The following SH2D4B variants were observed in gnomAD, a reference collection of about 807,000 sequenced individuals.
SH2D4B encodes SH2 domain-containing protein 4B.
In SH2D4B, 45 loss-of-function variants were observed where a neutral mutation model predicts 61.5. The observed-to-expected ratio is 0.73, with a 90% confidence interval of 0.58 to 0.94. The LOEUF (loss-of-function observed/expected upper bound fraction) is 0.94, where lower values mean the gene tolerates loss of function less well. Among genes scored for constraint, SH2D4B ranks in the 40% least tolerant of loss-of-function variants. The pLI, the probability that SH2D4B is intolerant of heterozygous loss-of-function variation, is 0.00. For synonymous variants in SH2D4B, 224 were observed against 220.4 expected (o/e 1.02, Z -0.14); for missense variants, 572 against 574.2 (o/e 1.00, Z 0.04).
chr10:80,631,420 T>A (rs1053561066), intron 6 of SH2D4B, among the ~76,000 whole-genome samples: 5 of 152,162 alleles, frequency 3.3e-5, no homozygotes, highest in African/African-American at 1.2e-4. Flanking sequence ...AACTAATTTT[T>A]TATGTTTTTG....
At chr10:80,585,297 A>G (rs1365098673) in intron 3 of SH2D4B, among the ~76,000 whole-genome samples, 1 of 150,228 alleles carries the variant, frequency 6.7e-6, no homozygotes, top group Non-Finnish European at 1.5e-5. Flanking sequence ...ATGAAAGTAC[A>G]CCTAAGGATG....
intron 3 of SH2D4B, among the ~76,000 whole-genome samples, chr10:80,572,982 ATATAT>A (rs1842077757): frequency 4.3e-4 from 4 of 9,258 alleles, no homozygotes; most frequent in African/African-American, 1.8e-3. Context: ...ATATATATAT[ATATAT>A]TTTTTTTTTT....
chr10:80,614,110 G>T (rs1198168736), intron 6 of SH2D4B, among the ~76,000 whole-genome samples: 3 of 152,186 alleles, frequency 2.0e-5, no homozygotes, highest in Non-Finnish European at 1.5e-5. Context: ...TGCTAAAAAG[G>T]TCAAAACTGG....
intron 4 of SH2D4B, among the ~76,000 whole-genome samples, chr10:80,597,449 T>C (rs1341210776): frequency 1.3e-5 from 2 of 152,140 alleles, no homozygotes; most frequent in African/African-American, 4.8e-5. Context: ...GTGGATCACC[T>C]GAGGTCAGGA....
chr10:80,586,658 C>G (rs1158834400), intron 3 of SH2D4B, among the ~76,000 whole-genome samples: 1 of 152,164 alleles, frequency 6.6e-6, no homozygotes, highest in East Asian at 1.9e-4. Flanking sequence ...GACCAATCAG[C>G]AGGATGTGGG....
chr10:80,641,306 G>T (rs1306089777), intron 7 of SH2D4B, among the ~76,000 whole-genome samples: 1 of 152,226 alleles, frequency 6.6e-6, no homozygotes, highest in Non-Finnish European at 1.5e-5. Flanking sequence ...CACCATGCTG[G>T]GAGAACCACT....
chr10:80,611,644 A>G (rs1031346274), intron 6 of SH2D4B, among the ~76,000 whole-genome samples: 4 of 152,212 alleles, frequency 2.6e-5, no homozygotes, highest in Non-Finnish European at 5.9e-5. Flanking sequence ...CTGGCATCTT[A>G]GGGAGCTGTG....
At chr10:80,627,808 G>A (rs1842780893) in intron 6 of SH2D4B, among the ~76,000 whole-genome samples, 1 of 151,710 alleles carries the variant, frequency 6.6e-6, no homozygotes, top group African/African-American at 2.4e-5. Flanking sequence ...AGGAAGAAAA[G>A]GAAGGAAGCG....
At chr10:80,591,322 A>C (rs1218877238) in intron 4 of SH2D4B, among the ~76,000 whole-genome samples, 1 of 151,962 alleles carries the variant, frequency 6.6e-6, no homozygotes, top group African/African-American at 2.4e-5. Flanking sequence ...TTATAACTGA[A>C]TATCTGAGAC....
intron 4 of SH2D4B, among the ~76,000 whole-genome samples, chr10:80,597,681 A>T (rs1032416963): frequency 6.6e-6 from 1 of 152,016 alleles, no homozygotes; most frequent in Non-Finnish European, 1.5e-5. Context: ...TAAATAAAAT[A>T]AAATAAAATA....
chr10:80,585,848 G>T (rs937218879), intron 3 of SH2D4B, among the ~76,000 whole-genome samples: 1 of 152,078 alleles, frequency 6.6e-6, no homozygotes, highest in Non-Finnish European at 1.5e-5. Context: ...GCCAGAGCCG[G>T]CTCCTTCAGC....
intron 6 of SH2D4B, among the ~76,000 whole-genome samples, chr10:80,613,474 G>T (rs917474091): frequency 2.6e-5 from 4 of 152,232 alleles, no homozygotes; most frequent in Non-Finnish European, 5.9e-5. Flanking sequence ...ACAACCCATT[G>T]GCTGCCTTGC....
At chr10:80,546,752 C>T (rs545177157) in intron 1 of SH2D4B, among the ~76,000 whole-genome samples, 3 of 151,826 alleles carry the variant, frequency 2.0e-5, no homozygotes, top group African/African-American at 4.8e-5. Flanking sequence ...TGGTCTCAAT[C>T]TCCTGACCTC....
chr10:80,554,437 CGTGTGT>C (rs139368172), intron 1 of SH2D4B, among the ~76,000 whole-genome samples: 1 of 149,724 alleles, frequency 6.7e-6, no homozygotes, highest in Non-Finnish European at 1.5e-5. Flanking sequence ...ATTGGATGTA[CGTGTGT>C]GTGTGTGTGT....
chr10:80,640,370 T>A (rs1353387112), intron 7 of SH2D4B, among the ~76,000 whole-genome samples: 3 of 152,214 alleles, frequency 2.0e-5, no homozygotes, highest in Admixed American at 6.5e-5. Flanking sequence ...CTGGATAATA[T>A]CCTGAAGAGT....
At chr10:80,568,586 G>T (rs1487986620) in intron 1 of SH2D4B, among the ~76,000 whole-genome samples, 17 of 152,298 alleles carry the variant, frequency 1.1e-4, no homozygotes, top group Non-Finnish European at 2.2e-4. Context: ...AGCCTGACCT[G>T]CAGGTGCTGT....
At chr10:80,562,909 T>C (rs1841919979) in intron 1 of SH2D4B, among the ~76,000 whole-genome samples, 1 of 139,612 alleles carries the variant, frequency 7.2e-6, no homozygotes, top group Non-Finnish European at 1.6e-5. Context: ...TTTTTTTTTT[T>C]TTTTTTTTTT....
intron 4 of SH2D4B, among the ~76,000 whole-genome samples, chr10:80,589,383 A>G (rs1305861686): frequency 6.6e-6 from 1 of 152,066 alleles, no homozygotes; most frequent in African/African-American, 2.4e-5. Flanking sequence ...AAAAATAAGA[A>G]GTATTAGCTG....
intron 5 of SH2D4B, among the ~76,000 whole-genome samples, chr10:80,605,082 T>C (rs772697568): frequency 7.9e-5 from 12 of 152,156 alleles, no homozygotes; most frequent in Non-Finnish European, 1.2e-4. Flanking sequence ...CGTGAGCCAC[T>C]GCGTCCGGCT....
Sources: gnomAD v4.1 joint callset for allele counts (sites outside exome capture counted in the v4.1 genomes callset) on GRCh38, gnomAD v4.1.1 for gene constraint, MANE v1.5 for transcripts, NCBI Gene and HGNC (gene_info 2026-07-23, HGNC 2026-07-21) for gene names.